The following RAMP1 variants were observed in gnomAD, a reference collection of about 807,000 sequenced individuals.
The protein encoded by RAMP1 is receptor activity-modifying protein 1.
Under a neutral mutation model 8.2 loss-of-function variants are expected in RAMP1, and 7 were observed. The observed-to-expected ratio is 0.85, with a 90% CI of 0.49 to 1.60. The LOEUF (loss-of-function observed/expected upper bound fraction) is 1.60. RAMP1 is among the 40% of genes most tolerant of loss of function. The pLI is 0.00. For synonymous variants in RAMP1, 92 were observed against 84.7 expected (o/e 1.09, Z -0.47); for missense variants, 192 against 202.4 (o/e 0.95, Z 0.31).
intron 1 of RAMP1, among the ~76,000 whole-genome samples, chr2:237,868,621 T>C (rs1269065210): frequency 6.6e-6 from 1 of 151,602 alleles, no homozygotes; most frequent in Non-Finnish European, 1.5e-5. Context: ...TGAGTTTACT[T>C]ACTCTACACT....
chr2:237,876,872 C>A (rs1039576168), intron 1 of RAMP1, among the ~76,000 whole-genome samples: 4 of 152,156 alleles, frequency 2.6e-5, no homozygotes, highest in Non-Finnish European at 5.9e-5. Flanking sequence ...CCCAGCCCAG[C>A]CCATCCCCAG....
At chr2:237,893,965 A>T (rs1162828032) in intron 2 of RAMP1, among the ~76,000 whole-genome samples, 2 of 113,696 alleles carry the variant, frequency 1.8e-5, no homozygotes, top group African/African-American at 3.6e-5. Context: ...AAATAAAAAT[A>T]CTTTCTTTTT....
rs370289745 is a variant in RAMP1, at chr2:237,911,764, G to C, written c.428G>C (p.Arg143Pro). Residue 143 changes from arginine (R) to proline (P), a missense_variant, in exon 3 of 3, where the codon CGC becomes CCC. Coordinates refer to ENST00000254661, the MANE Select transcript of RAMP1 (RefSeq NM_005855.4). ...VTALVVWQSK[R>P]TEGIV ...GCACTGGTGGTCTGGCAGAGCAAGC[G>C]CACTGAGGGCATTGTGTAGGCGGGG... The C allele has an allele frequency of 6.2e-7, 1 of 1,609,766 alleles. No homozygotes were observed. The highest frequency in any genetic ancestry group is 1.1e-5 in the South Asian group (1 of 90,330).
chr2:237,893,045 G>A (rs932004771), intron 2 of RAMP1, among the ~76,000 whole-genome samples: 4 of 152,156 alleles, frequency 2.6e-5, no homozygotes, highest in Admixed American at 2.0e-4. Flanking sequence ...ATTATTTCAA[G>A]TAGGTCCTAG....
chr2:237,885,811 CT>C (rs1477773115), intron 2 of RAMP1, among the ~76,000 whole-genome samples: 3 of 152,228 alleles, frequency 2.0e-5, no homozygotes, highest in African/African-American at 4.8e-5. Flanking sequence ...TCTGCCCCCC[CT>C]GGGTGGGAGA....
intron 2 of RAMP1, among the ~76,000 whole-genome samples, chr2:237,879,126 C>T (rs2062339315): frequency 6.6e-6 from 1 of 152,226 alleles, no homozygotes; most frequent in Admixed American, 6.5e-5. Flanking sequence ...TCTGCCACAG[C>T]TGAGTCATTT....
chr2:237,885,236 G>A (rs74001302), intron 2 of RAMP1, among the ~76,000 whole-genome samples: 11,727 of 152,278 alleles, frequency 0.077, 686 homozygotes, highest in African/African-American at 0.15. Flanking sequence ...AATCACGAGG[G>A]CTGTCTGGGC....
At chr2:237,908,143 C>G (rs1041764486) in intron 2 of RAMP1, among the ~76,000 whole-genome samples, 6 of 152,254 alleles carry the variant, frequency 3.9e-5, no homozygotes, top group African/African-American at 1.4e-4. Flanking sequence ...GTGCCCCACC[C>G]TCTGCTTTCA....
At chr2:237,876,400 C>G (rs2062303627) in intron 1 of RAMP1, among the ~76,000 whole-genome samples, 1 of 152,148 alleles carries the variant, frequency 6.6e-6, no homozygotes, top group Admixed American at 6.5e-5. Context: ...CAAGCTCCTT[C>G]CAGGAATTTG....
intron 2 of RAMP1, among the ~76,000 whole-genome samples, chr2:237,891,384 T>G (rs1363533362): frequency 1.3e-5 from 2 of 152,154 alleles, no homozygotes; most frequent in African/African-American, 4.8e-5. Context: ...TCTCCTGACC[T>G]CGTGATCCGC....
chr2:237,898,696 C>G (rs886926923), intron 2 of RAMP1, among the ~76,000 whole-genome samples: 4 of 152,242 alleles, frequency 2.6e-5, no homozygotes, highest in African/African-American at 9.6e-5. Flanking sequence ...AAGCCAGGCT[C>G]CCGAGCTCAC....
intron 2 of RAMP1, among the ~76,000 whole-genome samples, chr2:237,899,546 G>T (rs1326095273): frequency 1.3e-5 from 2 of 152,190 alleles, no homozygotes; most frequent in Non-Finnish European, 2.9e-5. Flanking sequence ...GTAGTAACAG[G>T]TTTAAAGCAT....
At chr2:237,873,803 G>A (rs1004734736) in intron 1 of RAMP1, among the ~76,000 whole-genome samples, 1 of 152,174 alleles carries the variant, frequency 6.6e-6, no homozygotes, top group African/African-American at 2.4e-5. Flanking sequence ...CTCTCTGCAA[G>A]GAAAGAAACC....
chr2:237,868,097 G>A (rs1234654314), intron 1 of RAMP1, among the ~76,000 whole-genome samples: 1 of 149,982 alleles, frequency 6.7e-6, no homozygotes, highest in Non-Finnish European at 1.5e-5. Context: ...AGGCTGGAGT[G>A]CAGTGGAGCG....
At chr2:237,896,367 G>A (rs753339427) in intron 2 of RAMP1, among the ~76,000 whole-genome samples, 1 of 152,164 alleles carries the variant, frequency 6.6e-6, no homozygotes, top group Non-Finnish European at 1.5e-5. Context: ...GAAACCTCTC[G>A]CTTCTCCCAG....
intron 2 of RAMP1, among the ~76,000 whole-genome samples, chr2:237,894,988 T>A (rs1171896839): frequency 6.6e-6 from 1 of 152,150 alleles, no homozygotes; most frequent in Non-Finnish European, 1.5e-5. Context: ...TCCAGATACC[T>A]GATTCAGCTC....
intron 1 of RAMP1, among the ~76,000 whole-genome samples, chr2:237,872,546 T>G (rs370183760): frequency 6.6e-6 from 1 of 152,166 alleles, no homozygotes; most frequent in African/African-American, 2.4e-5. Context: ...CCCACAGCCT[T>G]TGGGGCAGGT....
chr2:237,878,642 C>T lies in RAMP1; in HGVS notation c.191+1280C>T, dbSNP rs2062334233. On this transcript the variant is annotated intron_variant, in intron 2 of 2. Transcript: ENST00000254661. This position sits in a 1 kb window ranked among gnomAD's most constrained non-coding sequence, Gnocchi z 5.7. Reference sequence around the variant, plus strand: ...GCAGATGAGTGGCCTCTGTTTTCTCCTCCCACCGGCCATGTGCTCTCTGCC... The same window carrying T: ...GCAGATGAGTGGCCTCTGTTTTCTCTTCCCACCGGCCATGTGCTCTCTGCC... 6.6e-6 allele frequency among the ~76,000 whole-genome samples: 1 copy of T among 152,242 alleles called. No individual in the cohort carries two copies. Among genetic ancestry groups the T allele is most frequent in the South Asian group, 2.1e-4 (1 of 4,832 alleles).
rs770740961 is a variant in RAMP1 at position 237,911,511 on chromosome 2, T to A, written c.192-17T>A. 2 of 1,613,224 alleles carry A rather than the reference T, an allele frequency of 1.2e-6. No individual in the cohort carries two copies. Among genetic ancestry groups the A allele is most frequent in the South Asian group, 1.1e-5 (1 of 91,040 alleles). Reference sequence around the variant, plus strand: ...CCCGCCTGCCCAGGGTCTTACCACCTCCTCTTCCATCCGCAGGAGCTACAG... The same window carrying A: ...CCCGCCTGCCCAGGGTCTTACCACCACCTCTTCCATCCGCAGGAGCTACAG... On this transcript the variant is annotated splice_polypyrimidine_tract_variant and intron_variant, in intron 2 of 2. Transcript: ENST00000254661.
Sources: gnomAD v4.1 joint callset for allele counts (sites outside exome capture counted in the v4.1 genomes callset) on GRCh38, gnomAD v4.1.1 for gene constraint, Gnocchi (gnomAD v3.1) non-coding constraint, MANE v1.5 for transcripts, NCBI Gene and HGNC (gene_info 2026-07-23, HGNC 2026-07-21) for gene names.